CAMKMT: variants seen among roughly 807,000 people sequenced by gnomAD.
CAMKMT encodes the protein CaM KMT.
A neutral mutation model predicts 48.0 loss-of-function variants in CAMKMT; 53 were observed. The observed-to-expected ratio is 1.10, with a 90% CI of 0.89 to 1.39. CAMKMT has a LOEUF of 1.39. Among genes scored for constraint, CAMKMT ranks in the 40% most tolerant of loss-of-function variants. The probability of loss-of-function intolerance (pLI) is 0.00; values close to 1 mark genes in which losing one functional copy is unlikely to be tolerated. For synonymous variants in CAMKMT, 165 were observed against 152.3 expected, an observed-to-expected ratio of 1.08 and a Z score of -0.61; for missense variants, 428 against 402.7, an observed-to-expected ratio of 1.06 and a Z score of -0.54.
At chr2:44,404,609 G>C (rs1682651724) in intron 3 of CAMKMT, among the ~76,000 whole-genome samples, 1 of 152,030 alleles carries the variant, frequency 6.6e-6, no homozygotes, top group South Asian at 2.1e-4. Context: ...CAGACCACCA[G>C]CAATCCCTTA....
intron 3 of CAMKMT, among the ~76,000 whole-genome samples, chr2:44,472,101 C>T (rs538662646): frequency 3.9e-5 from 6 of 152,114 alleles, no homozygotes; most frequent in Admixed American, 6.5e-5. Flanking sequence ...GATGGAGTCT[C>T]GCTCTGTTGC....
At chr2:44,415,769 A>G (rs1213730431) in intron 3 of CAMKMT, among the ~76,000 whole-genome samples, 1 of 152,216 alleles carries the variant, frequency 6.6e-6, no homozygotes, top group Non-Finnish European at 1.5e-5. Flanking sequence ...CTGGGTGGGA[A>G]GTGTGCTAGA....
intron 3 of CAMKMT, among the ~76,000 whole-genome samples, chr2:44,487,477 A>G (rs867092687): frequency 6.6e-6 from 1 of 152,342 alleles, no homozygotes; most frequent in Admixed American, 6.5e-5. Context: ...TCTACCACTG[A>G]CATGCTTTCT....
chr2:44,470,639 AT>A (rs1461441842), intron 3 of CAMKMT, among the ~76,000 whole-genome samples: 1 of 152,158 alleles, frequency 6.6e-6, no homozygotes, highest in Non-Finnish European at 1.5e-5. Flanking sequence ...TGATTATTGA[AT>A]TTTGCTATAC....
intron 3 of CAMKMT, among the ~76,000 whole-genome samples, chr2:44,668,554 C>T (rs1052654905): frequency 6.6e-6 from 1 of 152,154 alleles, no homozygotes; most frequent in Non-Finnish European, 1.5e-5. Context: ...TTTTTCATAG[C>T]AAAGTACCTT....
chr2:44,714,886 C>T (rs891172519), intron 6 of CAMKMT, among the ~76,000 whole-genome samples: 1 of 152,148 alleles, frequency 6.6e-6, no homozygotes, highest in Non-Finnish European at 1.5e-5. Context: ...TTTCGCTGTG[C>T]TCATCCCATG....
intron 3 of CAMKMT, among the ~76,000 whole-genome samples, chr2:44,585,816 A>G (rs1393917815): frequency 6.6e-6 from 1 of 152,216 alleles, no homozygotes; most frequent in Non-Finnish European, 1.5e-5. Context: ...GTGGAATTCA[A>G]TCCATATATT....
intron 3 of CAMKMT, among the ~76,000 whole-genome samples, chr2:44,673,545 C>T (rs889045814): frequency 1.4e-5 from 2 of 146,526 alleles, no homozygotes; most frequent in Non-Finnish European, 3.0e-5. Flanking sequence ...AATCTATACA[C>T]CCAAAAACCT....
At chr2:44,444,847 G>A (rs1344981667) in intron 3 of CAMKMT, among the ~76,000 whole-genome samples, 1 of 152,172 alleles carries the variant, frequency 6.6e-6, no homozygotes. Context: ...ATCTGGGCAT[G>A]TCACAGGACA....
intron 3 of CAMKMT, among the ~76,000 whole-genome samples, chr2:44,623,705 T>G (rs1036416321): frequency 2.0e-5 from 3 of 152,120 alleles, no homozygotes; most frequent in Non-Finnish European, 2.9e-5. Flanking sequence ...TTAATGAGTT[T>G]TAATGAATGT....
chr2:44,606,403 C>G (rs1671285918), intron 3 of CAMKMT, among the ~76,000 whole-genome samples: 1 of 152,098 alleles, frequency 6.6e-6, no homozygotes, highest in Non-Finnish European at 1.5e-5. Context: ...AGTCAAAGGT[C>G]TTTTAGACCT....
At chr2:44,528,330 A>C (rs1416274358) in intron 3 of CAMKMT, among the ~76,000 whole-genome samples, 1 of 152,106 alleles carries the variant, frequency 6.6e-6, no homozygotes, top group Non-Finnish European at 1.5e-5. Context: ...TTTATATTAG[A>C]AAAATTTAAA....
intron 3 of CAMKMT, among the ~76,000 whole-genome samples, chr2:44,514,093 C>T (rs1670713155): frequency 7.5e-6 from 1 of 132,500 alleles, no homozygotes; most frequent in South Asian, 2.7e-4. Context: ...CAGAGCGAGA[C>T]CCTGTCTCAA....
At chr2:44,472,255 A>T (rs1668460434) in intron 3 of CAMKMT, among the ~76,000 whole-genome samples, 2 of 152,104 alleles carry the variant, frequency 1.3e-5, no homozygotes. Context: ...GTGTGTTTTT[A>T]GTAGAGATGG....
At chr2:44,409,886 G>A (rs528967089) in intron 3 of CAMKMT, among the ~76,000 whole-genome samples, 1 of 152,176 alleles carries the variant, frequency 6.6e-6, no homozygotes, top group Non-Finnish European at 1.5e-5. Flanking sequence ...TAGACAATCT[G>A]TTAGGTCCTG....
chr2:44,495,054 T>G (rs746354240), intron 3 of CAMKMT, among the ~76,000 whole-genome samples: 6 of 152,240 alleles, frequency 3.9e-5, no homozygotes, highest in Non-Finnish European at 7.3e-5. Context: ...TCCACATCCA[T>G]GTAATAAAAT....
At chr2:44,511,374 C>T (rs969070369) in intron 3 of CAMKMT, among the ~76,000 whole-genome samples, 16 of 152,180 alleles carry the variant, frequency 1.1e-4, no homozygotes, top group Admixed American at 3.3e-4. Context: ...CTGCAACCTC[C>T]GCCTACTAGG....
intron 3 of CAMKMT, among the ~76,000 whole-genome samples, chr2:44,470,982 C>G (rs1481075229): frequency 2.4e-4 from 33 of 136,470 alleles, no homozygotes. Flanking sequence ...AATGTTTCTT[C>G]TCTCTCTCTC....
At chr2:44,736,817 C>T (rs1679379611) in intron 7 of CAMKMT, among the ~76,000 whole-genome samples, 1 of 152,140 alleles carries the variant, frequency 6.6e-6, no homozygotes, top group Middle Eastern at 3.2e-3. Flanking sequence ...TCTTCTCAGG[C>T]ATTGTAGTTT....
Sources: gnomAD v4.1 joint callset for allele counts (sites outside exome capture counted in the v4.1 genomes callset) on GRCh38, gnomAD v4.1.1 for gene constraint, MANE v1.5 for transcripts, NCBI Gene and HGNC (gene_info 2026-07-23, HGNC 2026-07-21) for gene names.